SLC35F3: variants seen among roughly 807,000 people sequenced by gnomAD.
SLC35F3 encodes putative thiamine transporter SLC35F3.
SLC35F3 carries 25 observed loss-of-function variants against 49.9 expected under a neutral mutation model. The observed-to-expected ratio is 0.50, with a 90% CI of 0.37 to 0.70. SLC35F3 has a LOEUF of 0.70. Ranked by LOEUF, SLC35F3 falls within the 30% of genes least tolerant of loss-of-function variation. The pLI is 0.00. For missense variants in SLC35F3, 525 were observed against 639.8 expected (o/e 0.82, Z 1.94); for synonymous variants, 275 against 265.4 (o/e 1.04, Z -0.35).
At chr1:234,194,017 C>T (rs1666768166) in intron 2 of SLC35F3, among the ~76,000 whole-genome samples, 1 of 152,076 alleles carries the variant, frequency 6.6e-6, no homozygotes, top group Non-Finnish European at 1.5e-5. Context: ...ACTAGTACAA[C>T]CACTATGGAA....
intron 3 of SLC35F3, among the ~76,000 whole-genome samples, chr1:234,295,469 A>T (rs1445352694): frequency 1.3e-5 from 2 of 152,148 alleles, no homozygotes; most frequent in Admixed American, 1.3e-4. Context: ...CCAGTTCTCA[A>T]GTGTCAGTCT....
chr1:234,127,059 A>G (rs576162694), intron 2 of SLC35F3, among the ~76,000 whole-genome samples: 1 of 152,362 alleles, frequency 6.6e-6, no homozygotes, highest in African/African-American at 2.4e-5. Flanking sequence ...GCAACTTTCT[A>G]GGCTTGGCTT....
chr1:234,273,711 G>T (rs1009614301), intron 3 of SLC35F3, among the ~76,000 whole-genome samples: 1 of 152,188 alleles, frequency 6.6e-6, no homozygotes, highest in Non-Finnish European at 1.5e-5. Context: ...TGAGGGTCTG[G>T]AGCAGGGAAG....
chr1:233,924,181 C>CT (rs764203134), intron 2 of SLC35F3, among the ~76,000 whole-genome samples: 2 of 152,156 alleles, frequency 1.3e-5, no homozygotes, highest in Admixed American at 1.3e-4. Context: ...GGAAAATTCC[C>CT]TTTTTTTCTG....
chr1:233,952,508 G>A (rs1302151996), intron 2 of SLC35F3, among the ~76,000 whole-genome samples: 1 of 152,062 alleles, frequency 6.6e-6, no homozygotes, highest in Non-Finnish European at 1.5e-5. Flanking sequence ...TTTTCATAGG[G>A]CAAAGTCTCT....
intron 2 of SLC35F3, among the ~76,000 whole-genome samples, chr1:234,088,700 C>G (rs1664995345): frequency 6.6e-6 from 1 of 152,172 alleles, no homozygotes; most frequent in African/African-American, 2.4e-5. Flanking sequence ...AAGAACTGCA[C>G]ACCACAGACT....
At chr1:234,070,013 C>G (rs1242155960) in intron 2 of SLC35F3, among the ~76,000 whole-genome samples, 2 of 152,176 alleles carry the variant, frequency 1.3e-5, no homozygotes, top group African/African-American at 2.4e-5. Flanking sequence ...GCTTTCAAAC[C>G]CAAATCTTCT....
intron 2 of SLC35F3, among the ~76,000 whole-genome samples, chr1:233,951,650 C>T (rs1662609644): frequency 1.3e-5 from 2 of 152,144 alleles, no homozygotes; most frequent in African/African-American, 4.8e-5. Context: ...TCAGAGCTGA[C>T]TCTTCTGTGT....
chr1:233,943,749 T>C (rs2102800531), intron 2 of SLC35F3, among the ~76,000 whole-genome samples: 1 of 152,348 alleles, frequency 6.6e-6, no homozygotes, highest in South Asian at 2.1e-4. Flanking sequence ...TAAACCTTGA[T>C]GAAGATGTTT....
chr1:234,281,627 C>T (rs1438846582), intron 3 of SLC35F3, among the ~76,000 whole-genome samples: 1 of 152,204 alleles, frequency 6.6e-6, no homozygotes, highest in Admixed American at 6.5e-5. Flanking sequence ...AATCCTGAGA[C>T]ATACATCATG....
At chr1:234,001,660 T>G (rs966327369) in intron 2 of SLC35F3, among the ~76,000 whole-genome samples, 1 of 152,202 alleles carries the variant, frequency 6.6e-6, no homozygotes, top group Admixed American at 6.5e-5. Context: ...ACGTTATTAC[T>G]GTTGGTAGTT....
chr1:233,962,312 T>G (rs1662817771), intron 2 of SLC35F3, among the ~76,000 whole-genome samples: 1 of 152,262 alleles, frequency 6.6e-6, no homozygotes, highest in African/African-American at 2.4e-5. Flanking sequence ...ATAGTTGCAA[T>G]GTATATACTT....
intron 2 of SLC35F3, among the ~76,000 whole-genome samples, chr1:233,976,614 A>AT (rs554616426): frequency 2.2e-4 from 33 of 148,408 alleles, no homozygotes; most frequent in East Asian, 7.8e-4. Context: ...TTGGTACTCA[A>AT]TTTTTTTTTT....
intron 3 of SLC35F3, among the ~76,000 whole-genome samples, chr1:234,250,271 G>A (rs1004480178): frequency 4.6e-5 from 7 of 152,242 alleles, no homozygotes; most frequent in Non-Finnish European, 8.8e-5. Flanking sequence ...AGGCAAAGAG[G>A]AGGCTAAATG....
chr1:234,290,776 G>A (rs1411496736), intron 3 of SLC35F3, among the ~76,000 whole-genome samples: 1 of 152,236 alleles, frequency 6.6e-6, no homozygotes, highest in Non-Finnish European at 1.5e-5. Flanking sequence ...CTTGTTAGAG[G>A]AGTTGAGCAC....
intron 2 of SLC35F3, among the ~76,000 whole-genome samples, chr1:234,077,188 T>G (rs1052265375): frequency 3.0e-4 from 46 of 151,064 alleles, no homozygotes; most frequent in Non-Finnish European, 1.9e-4. Flanking sequence ...GTATTTTTAG[T>G]AGAGACGGGG....
At chr1:234,042,880 G>A (rs1176031407) in intron 2 of SLC35F3, among the ~76,000 whole-genome samples, 1 of 152,096 alleles carries the variant, frequency 6.6e-6, no homozygotes, top group Non-Finnish European at 1.5e-5. Flanking sequence ...GCCGTCTTCC[G>A]CCTTCGCTCA....
chr1:234,253,091 C>A (rs900977614), intron 3 of SLC35F3, among the ~76,000 whole-genome samples: 2 of 152,094 alleles, frequency 1.3e-5, no homozygotes, highest in African/African-American at 2.4e-5. Flanking sequence ...TTTGGGAGGC[C>A]AAGGCGGGTG....
intron 2 of SLC35F3, among the ~76,000 whole-genome samples, chr1:233,997,539 T>C (rs1663481018): frequency 6.6e-6 from 1 of 152,126 alleles, no homozygotes; most frequent in African/African-American, 2.4e-5. Context: ...CATTTGTATG[T>C]CTTCTTTGGA....
Sources: allele counts gnomAD v4.1 joint callset (sites outside exome capture counted in the v4.1 genomes callset), GRCh38; gene constraint gnomAD v4.1.1; transcripts MANE v1.5; gene names NCBI Gene and HGNC (gene_info 2026-07-23, HGNC 2026-07-21).